CHCHD6: variants seen among roughly 807,000 people sequenced by gnomAD.
CHCHD6 encodes the protein coiled-coil-helix-coiled-coil-helix domain containing 6.
CHCHD6 carries 28 observed loss-of-function variants against 32.3 expected under a neutral mutation model. The observed-to-expected ratio is 0.87, with a 90% CI of 0.64 to 1.19. The LOEUF (loss-of-function observed/expected upper bound fraction) is 1.19, where lower values mean the gene tolerates loss of function less well. Ranked by LOEUF, CHCHD6 falls within the 50% of genes most tolerant of loss-of-function variation. The pLI, the probability that CHCHD6 is intolerant of heterozygous loss-of-function variation, is 0.00. For synonymous variants in CHCHD6, 122 were observed against 117.5 expected, an observed-to-expected ratio of 1.04 and a Z score of -0.25; for missense variants, 333 against 307.0, an observed-to-expected ratio of 1.08 and a Z score of -0.63.
chr3:126,889,715 C>T (rs2077729685), intron 5 of CHCHD6, among the ~76,000 whole-genome samples: 1 of 152,236 alleles, frequency 6.6e-6, no homozygotes, highest in African/African-American at 2.4e-5. Context: ...TTCTTTCCCT[C>T]TGCCTTTTTA....
At chr3:126,723,671 G>A (rs981878969) in intron 1 of CHCHD6, among the ~76,000 whole-genome samples, 4 of 152,232 alleles carry the variant, frequency 2.6e-5, no homozygotes, top group South Asian at 2.1e-4. Context: ...TGTATATGCC[G>A]AAATTTTCTC....
chr3:126,939,591 A>T (rs2078530893), intron 6 of CHCHD6, among the ~76,000 whole-genome samples: 1 of 152,250 alleles, frequency 6.6e-6, no homozygotes, highest in African/African-American at 2.4e-5. Flanking sequence ...CCATGCAGCC[A>T]CTGGCTTTGA....
chr3:126,842,442 AT>A lies in CHCHD6; in HGVS notation c.412-10200del, dbSNP rs531106898. 2.5e-3 allele frequency among the ~76,000 whole-genome samples: 375 copies of A among 152,294 alleles called. 1 individual carries two copies. The highest frequency in any genetic ancestry group is 4.2e-3 in the Non-Finnish European group (286 of 68,008). On this transcript the variant is annotated intron_variant, in intron 4 of 7. Transcript: ENST00000290913. ...AGTTCAGTTTGGTGATCCACCAATG[AT>A]TTTTACATTGTCAAAGCACACAGCT...
At chr3:126,704,760 G>T (rs1329949724) in intron 1 of CHCHD6, among the ~76,000 whole-genome samples, 1 of 152,112 alleles carries the variant, frequency 6.6e-6, no homozygotes, top group Non-Finnish European at 1.5e-5. Context: ...CTCGTTCTGG[G>T]TACGCGGTGT....
rs1942197535 is a variant in CHCHD6, at chr3:126,864,855, T to TCCTCCACCATCATCTCCTCC, written c.495+12125_495+12126insCCTCCACCATCATCTCCTCC. 9.8e-5 allele frequency among the ~76,000 whole-genome samples: 2 copies of TCCTCCACCATCATCTCCTCC among 20,372 alleles called. 1 individual carries two copies. The highest frequency in any genetic ancestry group is 7.4e-4 in the African/African-American group (2 of 2,704). The allele number at this position is 20,372 out of a possible 152,430, so 13.4% of individuals were successfully genotyped here. A position where few individuals can be genotyped will look rare whatever the true frequency, so the allele number is the denominator to read the frequency against. On this transcript the variant is annotated intron_variant, in intron 5 of 7. Transcript: ENST00000290913. ...CTTCCTCCTCCACCATCATCTCCTC[T>TCCTCCACCATCATCTCCTCC]TCCTCCTCCACCATCATCTCCTCCT... is the stretch of plus-strand genomic sequence containing the variant.
chr3:126,750,208 A>T (rs1379868641), intron 4 of CHCHD6, among the ~76,000 whole-genome samples: 1 of 152,252 alleles, frequency 6.6e-6, no homozygotes, highest in Non-Finnish European at 1.5e-5. Context: ...AATTCTGCCC[A>T]GACATTCATG....
chr3:126,883,071 A>G (rs2077632335), intron 5 of CHCHD6, among the ~76,000 whole-genome samples: 1 of 152,186 alleles, frequency 6.6e-6, no homozygotes, highest in Non-Finnish European at 1.5e-5. Context: ...CCTCTATAAA[A>G]ACCCAAACAA....
intron 6 of CHCHD6, among the ~76,000 whole-genome samples, chr3:126,915,192 G>C (rs552840196): frequency 6.6e-6 from 1 of 152,354 alleles, no homozygotes; most frequent in African/African-American, 2.4e-5. Context: ...AGTGCACCCT[G>C]TGCGCAGTCA....
intron 5 of CHCHD6, among the ~76,000 whole-genome samples, chr3:126,891,757 G>T (rs945191874): frequency 6.6e-6 from 1 of 152,118 alleles, no homozygotes; most frequent in African/African-American, 2.4e-5. Context: ...TTACTGATGG[G>T]CTTGAGGGGT....
chr3:126,921,021 C>T (rs930472676), intron 6 of CHCHD6, among the ~76,000 whole-genome samples: 2 of 152,236 alleles, frequency 1.3e-5, no homozygotes, highest in African/African-American at 4.8e-5. Context: ...TCCATTGTAG[C>T]TGGAACTAGA....
intron 4 of CHCHD6, among the ~76,000 whole-genome samples, chr3:126,774,541 T>A (rs909841242): frequency 6.6e-6 from 1 of 152,206 alleles, no homozygotes; most frequent in Non-Finnish European, 1.5e-5. Context: ...TAGGCCTTTC[T>A]CTGATACCAC....
At chr3:126,899,575 C>T (rs150451310) in intron 5 of CHCHD6, among the ~76,000 whole-genome samples, 1 of 152,296 alleles carries the variant, frequency 6.6e-6, no homozygotes, top group Non-Finnish European at 1.5e-5. Context: ...CACCATCCTC[C>T]TCTCTATCGT....
chr3:126,942,796 A>G (rs963284319), intron 6 of CHCHD6, among the ~76,000 whole-genome samples: 2 of 152,034 alleles, frequency 1.3e-5, no homozygotes, highest in African/African-American at 4.8e-5. Context: ...CATTGCTTCT[A>G]GGTGCTCTCA....
At chr3:126,875,321 G>A (rs2077526028) in intron 5 of CHCHD6, among the ~76,000 whole-genome samples, 2 of 152,272 alleles carry the variant, frequency 1.3e-5, no homozygotes, top group African/African-American at 4.8e-5. Context: ...GGCCACCACA[G>A]GCTATGCCAG....
intron 5 of CHCHD6, among the ~76,000 whole-genome samples, chr3:126,903,297 C>T (rs889867625): frequency 6.6e-6 from 1 of 152,200 alleles, no homozygotes; most frequent in Non-Finnish European, 1.5e-5. Context: ...GAACCACCCC[C>T]GCCTTCAGTC....
chr3:126,780,036 G>A (rs1008462049), intron 4 of CHCHD6, among the ~76,000 whole-genome samples: 8 of 152,182 alleles, frequency 5.3e-5, no homozygotes, highest in Admixed American at 2.6e-4. Flanking sequence ...CTGCCAATGA[G>A]CTTATATCAC....
At chr3:126,863,608 C>T (rs1356888004) in intron 5 of CHCHD6, among the ~76,000 whole-genome samples, 11 of 84,462 alleles carry the variant, frequency 1.3e-4, no homozygotes, top group African/African-American at 1.6e-4. Flanking sequence ...CACCACTTCC[C>T]CCTCCTCCAC....
chr3:126,812,303 T>A (rs1939689005), intron 4 of CHCHD6, among the ~76,000 whole-genome samples: 1 of 134,434 alleles, frequency 7.4e-6, no homozygotes, highest in East Asian at 2.3e-4. Flanking sequence ...TCAGAGTCTT[T>A]AGTCCATGTG....
chr3:126,718,544 T>C (rs1272589396), intron 1 of CHCHD6, among the ~76,000 whole-genome samples: 6 of 152,226 alleles, frequency 3.9e-5, no homozygotes. Context: ...AGCACTGAGT[T>C]CCTGAGCTGC....
Sources: allele counts gnomAD v4.1 joint callset (sites outside exome capture counted in the v4.1 genomes callset), GRCh38; gene constraint gnomAD v4.1.1; transcripts MANE v1.5; gene names NCBI Gene and HGNC (gene_info 2026-07-23, HGNC 2026-07-21).